The following NCKAP5 variants were observed in gnomAD, a reference collection of about 807,000 sequenced individuals.
NCKAP5 encodes the protein NCK associated protein 5, also known as nck-associated protein 5.
A neutral mutation model predicts 167.0 loss-of-function variants in NCKAP5; 92 were observed. That is an observed-to-expected ratio of 0.55 (90% CI 0.47 to 0.66). The LOEUF (loss-of-function observed/expected upper bound fraction) is 0.66, where lower values mean the gene tolerates loss of function less well. NCKAP5 is among the 30% of genes least tolerant of loss of function. The pLI is 0.00. For missense variants in NCKAP5, 2,378 were observed against 2,315.0 expected (o/e 1.03, Z -0.56); for synonymous variants, 891 against 877.4 (o/e 1.02, Z -0.27).
intron 14 of NCKAP5, among the ~76,000 whole-genome samples, chr2:132,781,529 A>G (rs909746065): frequency 2.6e-5 from 4 of 152,358 alleles, no homozygotes; most frequent in African/African-American, 7.2e-5. Context: ...GAGCAGCAAG[A>G]AATATAATTA....
intron 6 of NCKAP5, among the ~76,000 whole-genome samples, chr2:133,088,353 C>T (rs896014352): frequency 6.6e-6 from 1 of 152,082 alleles, no homozygotes; most frequent in Admixed American, 6.6e-5. Flanking sequence ...TCCAGTCTTA[C>T]CTCATTTGTC....
the NCKAP5 span, among the ~76,000 whole-genome samples, chr2:133,583,491 G>T: frequency 6.6e-6 from 1 of 152,134 alleles, no homozygotes; most frequent in Non-Finnish European, 1.5e-5. Flanking sequence ...GCCCTGCACT[G>T]CTGTAAGCCA....
chr2:133,349,814 C>T (rs1208135605), intron 3 of NCKAP5, among the ~76,000 whole-genome samples: 2 of 152,194 alleles, frequency 1.3e-5, no homozygotes, highest in Non-Finnish European at 2.9e-5. Context: ...ACCCTCAACT[C>T]TAGCCTGGTC....
chr2:133,441,750 G>T (rs1424737339), intron 3 of NCKAP5, among the ~76,000 whole-genome samples: 1 of 152,124 alleles, frequency 6.6e-6, no homozygotes, highest in Non-Finnish European at 1.5e-5. Context: ...TTCTGGCCTG[G>T]TTGCCTCCTC....
At chr2:132,960,343 A>T (rs2076475107) in intron 8 of NCKAP5, among the ~76,000 whole-genome samples, 1 of 152,054 alleles carries the variant, frequency 6.6e-6, no homozygotes. Flanking sequence ...TGTCTGAGGG[A>T]GAGGAGAGTA....
At chr2:132,790,776 G>A (rs935735050) in intron 12 of NCKAP5, among the ~76,000 whole-genome samples, 1 of 152,106 alleles carries the variant, frequency 6.6e-6, no homozygotes, top group South Asian at 2.1e-4. Flanking sequence ...ATCTTATAGG[G>A]TTATTGCAAG....
chr2:133,649,631 T>C, the NCKAP5 span, among the ~76,000 whole-genome samples: 6 of 151,988 alleles, frequency 3.9e-5, no homozygotes, highest in Non-Finnish European at 8.8e-5. Flanking sequence ...GAATAAAGGA[T>C]TAAAATCATA....
chr2:132,739,592 G>A (rs1167246823), intron 16 of NCKAP5, among the ~76,000 whole-genome samples: 1 of 151,992 alleles, frequency 6.6e-6, no homozygotes, highest in Non-Finnish European at 1.5e-5. Context: ...AGAAGTGAGG[G>A]CCCCTGTAGG....
chr2:133,392,962 G>T (rs952412407), intron 3 of NCKAP5, among the ~76,000 whole-genome samples: 3 of 152,280 alleles, frequency 2.0e-5, no homozygotes, highest in South Asian at 4.1e-4. Flanking sequence ...TTGCCTTTCA[G>T]AAAAAGTTCT....
At chr2:132,990,013 T>C (rs956604944) in intron 7 of NCKAP5, among the ~76,000 whole-genome samples, 3 of 152,070 alleles carry the variant, frequency 2.0e-5, no homozygotes, top group African/African-American at 7.2e-5. Context: ...TTGCAAACTG[T>C]AAAGCACCAA....
At chr2:133,306,260 C>T (rs1680771578) in intron 3 of NCKAP5, among the ~76,000 whole-genome samples, 3 of 152,206 alleles carry the variant, frequency 2.0e-5, no homozygotes. Context: ...GGTTATTGTA[C>T]AGAGACTTCA....
At chr2:133,647,415 G>GGAAA in the NCKAP5 span, among the ~76,000 whole-genome samples, 1 of 113,142 alleles carries the variant, frequency 8.8e-6, no homozygotes, top group African/African-American at 4.2e-5. Context: ...AAGGAAGGAA[G>GGAAA]GAAGAGAAAG....
chr2:133,493,143 G>C (rs1300830829), intron 3 of NCKAP5, among the ~76,000 whole-genome samples: 1 of 152,200 alleles, frequency 6.6e-6, no homozygotes, highest in Non-Finnish European at 1.5e-5. Context: ...GAAGGTCACT[G>C]TGCCCTAACA....
At chr2:132,795,828 A>AC (rs1558790632) in intron 12 of NCKAP5, among the ~76,000 whole-genome samples, 8 of 150,060 alleles carry the variant, frequency 5.3e-5, no homozygotes, top group Non-Finnish European at 5.9e-5. Context: ...CAGAAAAAAA[A>AC]AAAAAAAAAA....
At chr2:133,205,993 A>G (rs1007960184) in intron 5 of NCKAP5, among the ~76,000 whole-genome samples, 6 of 152,208 alleles carry the variant, frequency 3.9e-5, no homozygotes, top group Non-Finnish European at 8.8e-5. Flanking sequence ...GACAATCATT[A>G]CTTGCAAATA....
chr2:132,776,687 GGTGA>G (rs1254312889), intron 15 of NCKAP5, among the ~76,000 whole-genome samples: 1 of 152,072 alleles, frequency 6.6e-6, no homozygotes, highest in Non-Finnish European at 1.5e-5. Context: ...AATGCAAAGT[GGTGA>G]GTAATTAAAA....
intron 5 of NCKAP5, among the ~76,000 whole-genome samples, chr2:133,179,568 T>C (rs899919283): frequency 3.9e-5 from 6 of 152,326 alleles, no homozygotes; most frequent in Middle Eastern, 6.8e-3. Context: ...GTGATTAAAA[T>C]GCTTCAATGA....
intron 3 of NCKAP5, among the ~76,000 whole-genome samples, chr2:133,511,605 C>T (rs187208968): frequency 1.1e-4 from 17 of 152,350 alleles, no homozygotes. Context: ...TATTCCCCAC[C>T]AGTTACTTTT....
intron 6 of NCKAP5, among the ~76,000 whole-genome samples, chr2:133,129,669 G>A (rs1176975872): frequency 6.6e-6 from 1 of 152,156 alleles, no homozygotes; most frequent in East Asian, 1.9e-4. Flanking sequence ...AGGAATTTTG[G>A]CTGGCCTTTT....
Sources: allele counts gnomAD v4.1 joint callset (sites outside exome capture counted in the v4.1 genomes callset), GRCh38; gene constraint gnomAD v4.1.1; transcripts MANE v1.5; gene names NCBI Gene and HGNC (gene_info 2026-07-23, HGNC 2026-07-21).